ASMTL: variants seen among roughly 807,000 people sequenced by gnomAD.
The protein encoded by ASMTL is probable bifunctional dTTP/UTP pyrophosphatase/methyltransferase protein.
ASMTL carries 57 observed loss-of-function variants against 60.3 expected under a neutral mutation model. The ratio of observed to expected loss-of-function variants is 0.95; its 90% CI spans 0.76 to 1.18. The LOEUF is 1.18. ASMTL is among the 50% of genes most tolerant of loss of function. The pLI, the probability that ASMTL is intolerant of heterozygous loss-of-function variation, is 0.00. For missense variants in ASMTL, 981 were observed against 852.6 expected, an observed-to-expected ratio of 1.15 and a Z score of -1.88; for synonymous variants, 419 against 373.0, an observed-to-expected ratio of 1.12 and a Z score of -1.42.
At chrX:1,427,243 C>A (rs1336173240) in intron 7 of ASMTL, among the ~76,000 whole-genome samples, 7 of 148,938 alleles carry the variant, frequency 4.7e-5, no homozygotes, top group African/African-American at 1.8e-4. Flanking sequence ...GCAGGAAGGA[C>A]CCTCCCCTGG....
intron 5 of ASMTL, among the ~76,000 whole-genome samples, chrX:1,432,943 C>G (rs1238168630): frequency 6.6e-6 from 1 of 152,242 alleles, no homozygotes; most frequent in African/African-American, 2.4e-5. Context: ...ACTAAAAATA[C>G]AAAAATTAGC....
intron 6 of ASMTL, 100 bp from the exon 7 acceptor site, chrX:1,428,221 C>A (rs1276717896): frequency 7.0e-7 from 1 of 1,435,560 alleles, no homozygotes; most frequent in Non-Finnish European, 9.3e-7. Context: ...ATCACGAGGT[C>A]GGGAGATCGA....
intron 11 of ASMTL, among the ~76,000 whole-genome samples, chrX:1,417,435 C>T (rs1439487341): frequency 6.6e-6 from 1 of 151,714 alleles, no homozygotes; most frequent in Non-Finnish European, 1.5e-5. Flanking sequence ...CACAGACACA[C>T]ACACAAGGAC....
intron 9 of ASMTL, 77 bp downstream of exon 9, chrX:1,421,581 C>G (rs1453252801): frequency 2.2e-4 from 331 of 1,479,884 alleles, no homozygotes; most frequent in Non-Finnish European, 2.9e-4. Context: ...GGTCAAGGTG[C>G]CTACTGATCT....
chrX:1,435,212 C>G lies in ASMTL; in HGVS notation c.339-129G>C, dbSNP rs1225622477. The G allele has an allele frequency of 4.1e-6, 4 of 975,180 alleles. No individual in the cohort carries two copies. The African/African-American group carries it at 6.4e-5, about 16-fold the overall frequency. 60.4% of individuals were successfully genotyped at this position (975,180 alleles called of 1,614,324 possible). ...GGATCCGTCCCCAGCATCTTCTCCC[C>G]GATCGTCCCGCTGTGGGGTCTCCAG... On this transcript the variant is annotated intron_variant, in intron 4 of 12. Coordinates refer to ENST00000381317, the MANE Select transcript of ASMTL (RefSeq NM_004192.4).
chrX:1,411,979 T>C (rs1323673607), intron 12 of ASMTL, among the ~76,000 whole-genome samples: 1 of 151,678 alleles, frequency 6.6e-6, no homozygotes, highest in East Asian at 2.0e-4. Context: ...GCCCGGCTTA[T>C]TTTTTGTGTT....
At chrX:1,439,384 C>T (rs1462696911) in intron 2 of ASMTL, among the ~76,000 whole-genome samples, 3 of 152,182 alleles carry the variant, frequency 2.0e-5, no homozygotes, top group Admixed American at 6.5e-5. Context: ...GATCAGGGGT[C>T]AGGCACTCAC....
intron 12 of ASMTL, among the ~76,000 whole-genome samples, chrX:1,407,534 G>A (rs1383605148): frequency 2.0e-5 from 3 of 151,984 alleles, no homozygotes; most frequent in African/African-American, 7.2e-5. Flanking sequence ...TGATGGGTAG[G>A]TAGATGATGG....
chrX:1,436,656 T>A (rs1239926890), intron 3 of ASMTL, among the ~76,000 whole-genome samples: 2 of 151,778 alleles, frequency 1.3e-5, no homozygotes, highest in African/African-American at 4.8e-5. Flanking sequence ...CCGGCCAGCC[T>A]CATTCCTGTT....
chrX:1,421,517 T>C lies in ASMTL; in HGVS notation c.1245+141A>G, dbSNP rs1160107326. ...GTGACACAAGAGCCACGGCACTAAG[T>C]TCTCCAGGCAGAACGAGCCAAGCCT... On this transcript the variant is annotated intron_variant, in intron 9 of 12. Transcript: ENST00000381317. The C allele has an allele frequency of 2.1e-5, 18 of 870,090 alleles. No homozygotes were observed. In the Middle Eastern group the frequency reaches 1.0e-3, roughly 50 times the overall value. 53.9% of individuals were successfully genotyped at this position (870,090 alleles called of 1,614,324 possible).
intron 11 of ASMTL, among the ~76,000 whole-genome samples, chrX:1,414,339 G>A (rs750474487): frequency 1.4e-4 from 21 of 152,248 alleles, no homozygotes; most frequent in Non-Finnish European, 2.4e-4. Context: ...AAGAAGGGGC[G>A]GGAGAGTGTG....
At chrX:1,432,496 G>A (rs1175094463) in intron 5 of ASMTL, 119 bp from the exon 6 acceptor site, 2 of 742,116 alleles carry the variant, frequency 2.7e-6, no homozygotes, top group Admixed American at 2.1e-5. Flanking sequence ...GTTCAGATAT[G>A]GATGCTTCAT....
intron 1 of ASMTL, 42 bp from the exon 2 acceptor site, chrX:1,442,359 C>A (rs774686065): frequency 6.2e-7 from 1 of 1,611,954 alleles, no homozygotes; most frequent in Non-Finnish European, 8.5e-7. Context: ...AATGAAAGAC[C>A]CTATGAAAAG....
intron 3 of ASMTL, among the ~76,000 whole-genome samples, chrX:1,436,891 C>A (rs1231170354): frequency 6.6e-6 from 1 of 152,194 alleles, no homozygotes; most frequent in East Asian, 1.9e-4. Flanking sequence ...AGTCCTACAA[C>A]CCAGGTGGCT....
chrX:1,411,211 GAGAA>G (rs1280848932), intron 12 of ASMTL, among the ~76,000 whole-genome samples: 1 of 92,132 alleles, frequency 1.1e-5, no homozygotes, highest in East Asian at 3.3e-4. Flanking sequence ...GAGATACACA[GAGAA>G]AGAGAGAAAG....
intron 1 of ASMTL, among the ~76,000 whole-genome samples, chrX:1,444,268 A>G (rs2091186497): frequency 6.8e-6 from 1 of 146,278 alleles, no homozygotes; most frequent in East Asian, 2.0e-4. Context: ...AGGGGCAGTG[A>G]TGCCATCTCG....
In ASMTL at chrX:1,435,705, C is replaced by G. The variant is rs747215166; in HGVS notation, c.327G>C (p.Arg109Ser). The change falls in exon 4 of 13, where the codon AGG (arginine) becomes AGC (serine). Residue 109 changes from arginine to serine, a missense_variant. Arg to Ser is a moderately radical substitution (Grantham distance 110, BLOSUM62 -1). Coordinates refer to ENST00000381317, the MANE Select transcript of ASMTL (RefSeq NM_004192.4). ...AACATGGTGCTTACCGGGACAGCAT[C>G]CTGTAGGCGTCCTGCTTGTCCACCG... is the stretch of plus-strand genomic sequence containing the variant. ...EKPVDKQDAY[R>S]MLSRLSGREH... 1 of 1,613,608 alleles carries G rather than the reference C, an allele frequency of 6.2e-7. No homozygotes were observed. The highest frequency in any genetic ancestry group is 2.2e-5 in the East Asian group (1 of 44,870).
rs373101662 is a variant in ASMTL, at chrX:1,425,565, G to A, written c.1020C>T (p.Asp340=). 18 of 1,613,390 alleles carry A rather than the reference G, an allele frequency of 1.1e-5. No individual in the cohort carries two copies. Among genetic ancestry groups the A allele is most frequent in the Non-Finnish European group, 1.4e-5 (17 of 1,179,820 alleles). The part of the protein sequence containing the change: ...ASACGMERLL[D]ICAAMGLLEK... ...CCAGGAGCCCCATGGCAGCACAGAT[G>A]TCCAGAAGCCTCTCCATTCCACACG... The change falls in exon 8 of 13, where the codon GAC becomes GAT. Residue 340 remains aspartate, a synonymous_variant. Transcript: ENST00000381317.
intron 1 of ASMTL, among the ~76,000 whole-genome samples, chrX:1,451,489 C>G (rs1414504885): frequency 1.3e-5 from 2 of 150,592 alleles, no homozygotes; most frequent in Non-Finnish European, 3.0e-5. Flanking sequence ...CTCCCTACCC[C>G]CATCCCTAGG....
Sources: allele counts gnomAD v4.1 joint callset (sites outside exome capture counted in the v4.1 genomes callset), GRCh38; gene constraint gnomAD v4.1.1; transcripts MANE v1.5; gene names NCBI Gene and HGNC (gene_info 2026-07-23, HGNC 2026-07-21).